RNF4: variants seen among roughly 807,000 people sequenced by gnomAD.
RNF4 encodes the protein ring finger protein 4.
Under a neutral mutation model 24.3 loss-of-function variants are expected in RNF4, and 7 were observed. The observed-to-expected ratio is 0.29, with a 90% CI of 0.16 to 0.54. The LOEUF (loss-of-function observed/expected upper bound fraction) is 0.54, where lower values mean the gene tolerates loss of function less well. Ranked by LOEUF, RNF4 falls within the 20% of genes least tolerant of loss-of-function variation. The pLI is 0.95. For missense variants in RNF4, 209 were observed against 248.5 expected (o/e 0.84, Z 1.07); for synonymous variants, 83 against 84.3 (o/e 0.98, Z 0.09).
chr4:2,484,932 T>C (rs1394191140), intron 1 of RNF4, among the ~76,000 whole-genome samples: 1 of 152,086 alleles, frequency 6.6e-6, no homozygotes, highest in East Asian at 1.9e-4. Flanking sequence ...CAACATGTCA[T>C]CTCTGTCCCA....
chr4:2,514,207 A>G lies in RNF4; in HGVS notation c.*388A>G, dbSNP rs1736349433. 8.5e-6 allele frequency: 2 copies of G among 235,296 alleles called. No homozygotes were observed. The highest frequency in any genetic ancestry group is 8.5e-6 in the Non-Finnish European group (1 of 116,982). 14.6% of individuals were successfully genotyped at this position (235,296 alleles called of 1,614,324 possible). On this transcript the variant is annotated 3_prime_UTR_variant, in exon 8 of 8. Transcript: ENST00000314289. ...GTCCCAAGTGTCTGCCGGTCGACCAATCTGCCTGCCACACATTGACCAAGC... is the reference window on the plus strand; with the variant it reads ...GTCCCAAGTGTCTGCCGGTCGACCAGTCTGCCTGCCACACATTGACCAAGC...
Position 2,512,541 on chromosome 4 carries a change from A to G in RNF4, c.318A>G (p.Val106=), listed in dbSNP as rs533175173. The G allele has an allele frequency of 2.5e-6, 4 of 1,613,818 alleles. No homozygotes were observed. The highest frequency in any genetic ancestry group is 2.2e-5 in the South Asian group (2 of 91,088). The change falls in exon 6 of 8, where the codon GTA becomes GTG. Residue 106 remains valine, a synonymous_variant. Coordinates refer to ENST00000314289, the MANE Select transcript of RNF4 (RefSeq NM_002938.5). This position sits in a 1 kb window ranked among gnomAD's most constrained non-coding sequence, Gnocchi z 4.1. ...DDEELSRDRD[V]YVTTHTPRNA... ...AGGAGTTGTCCAGGGACAGAGACGT[A>G]TATGTGACTACCCATACTCCCAGAA...
At position 2,494,315 on chromosome 4, in the gene RNF4, AT is replaced by A. The variant is rs1183924182; in HGVS notation, c.10-2690del. Among the ~76,000 whole-genome samples, 7 of 146,610 alleles carry A rather than the reference AT, an allele frequency of 4.8e-5. No homozygotes were observed. The East Asian group carries it at 1.4e-3, about 30-fold the overall frequency. On this transcript the variant is annotated intron_variant, in intron 2 of 7. Transcript: ENST00000314289. ...TACTCTGCTGCTGTATCCAGTTTTTATTGGCTGGAACAGGACCTCACATTCT... is the reference window on the plus strand; with the variant it reads ...TACTCTGCTGCTGTATCCAGTTTTTATGGCTGGAACAGGACCTCACATTCT...
chr4:2,497,004 C>A lies in RNF4; in HGVS notation c.10-3C>A. The A allele has an allele frequency of 6.3e-7, 1 of 1,592,550 alleles. No individual in the cohort carries two copies. The highest frequency in any genetic ancestry group is 2.3e-5 in the East Asian group (1 of 43,962). On this transcript the variant is annotated splice_region_variant and splice_polypyrimidine_tract_variant and intron_variant, in intron 2 of 7. Coordinates refer to ENST00000314289, the MANE Select transcript of RNF4 (RefSeq NM_002938.5). Reference sequence around the variant, plus strand: ...TGACTCTTCTTTCCCCCTTGCTACTCAGAGAAAGCGTCGTGGTGGAGCAAT... The same window carrying A: ...TGACTCTTCTTTCCCCCTTGCTACTAAGAGAAAGCGTCGTGGTGGAGCAAT...
At chr4:2,497,351 C>A (rs554740381) in intron 3 of RNF4, 2 of 347,388 alleles carry the variant, frequency 5.8e-6, no homozygotes, top group African/African-American at 2.1e-5. Context: ...AAAAAAAAAT[C>A]TAGCGCAAAT....
At chr4:2,487,092 C>T (rs1159221831) in intron 1 of RNF4, among the ~76,000 whole-genome samples, 1 of 152,138 alleles carries the variant, frequency 6.6e-6, no homozygotes, top group African/African-American at 2.4e-5. Flanking sequence ...CCCTGAATGT[C>T]TGTTTAAAGT....
At chr4:2,504,893 A>C (rs1367061951) in intron 4 of RNF4, among the ~76,000 whole-genome samples, 1 of 151,576 alleles carries the variant, frequency 6.6e-6, no homozygotes, top group East Asian at 1.9e-4. Context: ...CCACCATGCC[A>C]GGCTAATTTT....
Position 2,512,014 on chromosome 4 carries a change from A to C in RNF4, c.214+49A>C. On this transcript the variant is annotated intron_variant, in intron 5 of 7. Transcript: ENST00000314289. This position sits in a 1 kb window ranked among gnomAD's most constrained non-coding sequence, Gnocchi z 4.1. ...CACTGGGTTTGGAGAGGAAACTGGCATAGGTGAGAGCCGCGGTGCTGCAGG... is the reference window on the plus strand; with the variant it reads ...CACTGGGTTTGGAGAGGAAACTGGCCTAGGTGAGAGCCGCGGTGCTGCAGG... 1 of 1,579,798 alleles carries C rather than the reference A, an allele frequency of 6.3e-7. No individual in the cohort carries two copies. The highest frequency in any genetic ancestry group is 1.3e-5 in the African/African-American group (1 of 74,384).
chr4:2,476,813 T>C (rs1016455518), intron 1 of RNF4, among the ~76,000 whole-genome samples: 15 of 128,540 alleles, frequency 1.2e-4, no homozygotes, highest in East Asian at 8.2e-4. Flanking sequence ...AGCCTAAAAC[T>C]TTTTTTTTTT....
At chr4:2,493,156 G>A (rs1370564938) in intron 2 of RNF4, among the ~76,000 whole-genome samples, 4 of 152,112 alleles carry the variant, frequency 2.6e-5, no homozygotes, top group African/African-American at 9.7e-5. Flanking sequence ...CTCAGAGACA[G>A]CAGAGTGGGA....
rs1378175843 is a variant in RNF4 at position 2,486,019 on chromosome 4, C to G, written c.-157-4318C>G. On this transcript the variant is annotated intron_variant, in intron 1 of 7. Coordinates refer to ENST00000314289, the MANE Select transcript of RNF4 (RefSeq NM_002938.5). Reference sequence around the variant, plus strand: ...GTATTTGATTCTGGCACTAACATACCTATTTGAGGGTGTGGGTCTTGGTAT... The same window carrying G: ...GTATTTGATTCTGGCACTAACATACGTATTTGAGGGTGTGGGTCTTGGTAT... Among the ~76,000 whole-genome samples the G allele has an allele frequency of 3.9e-5, 6 of 152,250 alleles. No individual in the cohort carries two copies. In the East Asian group the frequency reaches 1.2e-3, roughly 29 times the overall value.
chr4:2,482,812 C>T (rs1735281257), intron 1 of RNF4, among the ~76,000 whole-genome samples: 1 of 151,862 alleles, frequency 6.6e-6, no homozygotes, highest in African/African-American at 2.4e-5. Context: ...GTTCAAGGCC[C>T]CTGAGCCTTA....
chr4:2,508,147 G>A lies in RNF4; in HGVS notation c.205-3809G>A, dbSNP rs80199880. On this transcript the variant is annotated intron_variant, in intron 4 of 7. Coordinates refer to ENST00000314289, the MANE Select transcript of RNF4 (RefSeq NM_002938.5). ...CAGATATGGGACACCATGCCCAGCC[G>A]AGGAAGTGTGAATTTCTGATCTTGG... Among the ~76,000 whole-genome samples the A allele has an allele frequency of 8.6e-3, 1,305 of 152,248 alleles. 18 individuals carry two copies. Among genetic ancestry groups the A allele is most frequent in the African/African-American group, 0.029 (1,200 of 41,548 alleles).
intron 1 of RNF4, chr4:2,479,843 T>G (rs1416396313): frequency 6.6e-6 from 1 of 152,190 alleles, no homozygotes; most frequent in East Asian, 1.9e-4. Context: ...CCCCCATCTC[T>G]GAAATTATTT....
intron 4 of RNF4, among the ~76,000 whole-genome samples, chr4:2,504,228 G>A (rs1735999284): frequency 6.6e-6 from 1 of 152,138 alleles, no homozygotes; most frequent in Non-Finnish European, 1.5e-5. Context: ...TTCATTTTTG[G>A]CATTGCATAG....
intron 1 of RNF4, among the ~76,000 whole-genome samples, chr4:2,489,400 C>G (rs1022861734): frequency 6.6e-6 from 1 of 152,294 alleles, no homozygotes; most frequent in Non-Finnish European, 1.5e-5. Context: ...GTTTCCGCCA[C>G]CTGGATCCCT....
chr4:2,474,381 C>CA (rs35982596), intron 1 of RNF4, among the ~76,000 whole-genome samples: 4,914 of 105,140 alleles, frequency 0.047, 139 homozygotes, highest in South Asian at 0.13. Context: ...GACTCTGTCT[C>CA]AAAAAAAAAA....
rs542280361 is a variant in RNF4 at position 2,488,991 on chromosome 4, C to A, written c.-157-1346C>A. On this transcript the variant is annotated intron_variant, in intron 1 of 7. Transcript: ENST00000314289. ...ACTCCAGGCTAATTTTTTGTATTTT[C>A]TAGTAGAGACGGGGTTTCACCATAT... 1.7e-3 allele frequency among the ~76,000 whole-genome samples: 264 copies of A among 151,970 alleles called. 1 individual carries two copies. Among genetic ancestry groups the A allele is most frequent in the African/African-American group, 5.9e-3 (246 of 41,440 alleles).
chr4:2,484,963 C>G (rs969138134), intron 1 of RNF4, among the ~76,000 whole-genome samples: 1 of 152,186 alleles, frequency 6.6e-6, no homozygotes, highest in Non-Finnish European at 1.5e-5. Context: ...TGGCCCTGTC[C>G]TGAGGGTGTA....
Sources: allele counts gnomAD v4.1 joint callset (sites outside exome capture counted in the v4.1 genomes callset), GRCh38; gene constraint gnomAD v4.1.1; non-coding constraint Gnocchi (gnomAD v3.1); transcripts MANE v1.5; gene names NCBI Gene and HGNC (gene_info 2026-07-23, HGNC 2026-07-21).